GOT1: variants seen among roughly 807,000 people sequenced by gnomAD.
The protein encoded by GOT1 is aspartate aminotransferase, cytoplasmic.
GOT1 carries 25 observed loss-of-function variants against 48.2 expected under a neutral mutation model. The observed-to-expected ratio is 0.52, with a 90% confidence interval of 0.38 to 0.72. GOT1 has a LOEUF of 0.72. Ranked by LOEUF, GOT1 falls within the 30% of genes least tolerant of loss-of-function variation. The pLI, the probability that GOT1 is intolerant of heterozygous loss-of-function variation, is 0.00. For missense variants in GOT1, 380 were observed against 520.1 expected (o/e 0.73, Z 2.62); for synonymous variants, 188 against 193.8 (o/e 0.97, Z 0.25).
chr10:99,418,435 T>C (rs2032925328), intron 2 of GOT1, among the ~76,000 whole-genome samples: 1 of 151,652 alleles, frequency 6.6e-6, no homozygotes, highest in Admixed American at 6.6e-5. Context: ...AGCAACAGAA[T>C]TCCAACTAAT....
At chr10:99,416,119 A>G (rs948916325) in intron 2 of GOT1, among the ~76,000 whole-genome samples, 2 of 152,094 alleles carry the variant, frequency 1.3e-5, no homozygotes, top group African/African-American at 4.8e-5. Flanking sequence ...AAGAAATACA[A>G]GGTATTCAAC....
chr10:99,415,354 A>C (rs1271817647), intron 2 of GOT1, among the ~76,000 whole-genome samples: 2 of 152,328 alleles, frequency 1.3e-5, no homozygotes, highest in East Asian at 1.9e-4. Context: ...GAAATGGATA[A>C]ATTCCTCGAC....
chr10:99,401,964 C>T (rs769097684), intron 8 of GOT1, among the ~76,000 whole-genome samples: 5 of 151,844 alleles, frequency 3.3e-5, no homozygotes, highest in African/African-American at 7.3e-5. Context: ...CCTGCCACCA[C>T]GCCCGGCTAA....
intron 2 of GOT1, among the ~76,000 whole-genome samples, chr10:99,418,061 A>ATATAT (rs980080696): frequency 6.7e-6 from 1 of 149,088 alleles, no homozygotes; most frequent in African/African-American, 2.5e-5. Flanking sequence ...TAAAAAAAAA[A>ATATAT]ATATATATAT....
Position 99,405,996 on chromosome 10 carries a change from C to T in GOT1, c.538-136G>A, listed in dbSNP as rs1156766425. On this transcript the variant is annotated intron_variant, in intron 4 of 8. Transcript: ENST00000370508. ...CTCTTTCATGTCTCTTTTGTGCCCT[C>T]TCTCTTACATGCTATGTCAGAAACC... 13 of 802,244 alleles carry T rather than the reference C, an allele frequency of 1.6e-5. No homozygotes were observed. The Admixed American group carries it at 2.0e-4, about 12-fold the overall frequency. 49.7% of individuals were successfully genotyped at this position (802,244 alleles called of 1,614,324 possible).
intron 1 of GOT1, among the ~76,000 whole-genome samples, chr10:99,425,323 C>G (rs1221618403): frequency 6.6e-6 from 1 of 152,130 alleles, no homozygotes; most frequent in African/African-American, 2.4e-5. Context: ...CTAAAAGAAT[C>G]CTGGAGTCTC....
intron 2 of GOT1, among the ~76,000 whole-genome samples, chr10:99,417,609 G>A (rs1442090212): frequency 6.6e-6 from 1 of 152,170 alleles, no homozygotes; most frequent in African/African-American, 2.4e-5. Context: ...AAATCATGCT[G>A]CTATAAAGAC....
chr10:99,413,731 CA>C (rs1282491180), intron 2 of GOT1, among the ~76,000 whole-genome samples: 1 of 152,238 alleles, frequency 6.6e-6, no homozygotes, highest in Non-Finnish European at 1.5e-5. Flanking sequence ...GTCACACTAA[CA>C]GCTGATCTCT....
At chr10:99,419,252 G>T (rs528186071) in intron 2 of GOT1, among the ~76,000 whole-genome samples, 1 of 152,162 alleles carries the variant, frequency 6.6e-6, no homozygotes, top group Non-Finnish European at 1.5e-5. Context: ...AATGATAATG[G>T]CCACTGGTTT....
In GOT1 at chr10:99,403,432, C is replaced by A. The variant is rs776900584; in HGVS notation, c.959+37G>T. The A allele has an allele frequency of 4.5e-6, 7 of 1,561,856 alleles. No individual in the cohort carries two copies. The African/African-American group carries it at 8.1e-5, about 18-fold the overall frequency. ...ACTGGGACAATTACTGTTCTGCACT[C>A]CCCACCCCCCGGCCCACCAGACTGG... On this transcript the variant is annotated intron_variant, in intron 7 of 8. Transcript: ENST00000370508.
intron 7 of GOT1, 32 bp downstream of exon 7, chr10:99,403,436 AC>A: frequency 1.9e-6 from 3 of 1,571,776 alleles, no homozygotes; most frequent in Non-Finnish European, 2.6e-6. Flanking sequence ...TGCACTCCCC[AC>A]CCCCCGGCCC....
chr10:99,415,022 A>G (rs1453971807), intron 2 of GOT1, among the ~76,000 whole-genome samples: 5 of 152,212 alleles, frequency 3.3e-5, no homozygotes, highest in Non-Finnish European at 7.3e-5. Flanking sequence ...TAACATCACA[A>G]TTAAAAGAAC....
intron 2 of GOT1, among the ~76,000 whole-genome samples, chr10:99,411,230 T>C (rs2032824662): frequency 6.6e-6 from 1 of 152,256 alleles, no homozygotes; most frequent in Non-Finnish European, 1.5e-5. Flanking sequence ...CAATGAGTTA[T>C]GACCCATGAG....
chr10:99,400,607 A>G (rs1246819878), intron 8 of GOT1, among the ~76,000 whole-genome samples: 1 of 151,830 alleles, frequency 6.6e-6, no homozygotes, highest in Non-Finnish European at 1.5e-5. Flanking sequence ...GCTGTACTCC[A>G]CCCTGGGTGA....
At position 99,397,642 on chromosome 10, in the gene GOT1, G is replaced by A; in HGVS notation, c.1147C>T (p.Leu383=). Residue 383 remains leucine (L), a synonymous_variant, in exon 9 of 9, where the codon CTG becomes TTG. Transcript: ENST00000370508. This position sits in a 1 kb window ranked among gnomAD's most constrained non-coding sequence, Gnocchi z 5.4. Reference sequence around the variant, plus strand: ...CTCACGTTGATTCGACCACTTGGCAGCAGGTAGATGTGCTTTTCATTGACC... The same window carrying A: ...CTCACGTTGATTCGACCACTTGGCAACAGGTAGATGTGCTTTTCATTGACC... The part of the protein sequence containing the change: ...YLVNEKHIYL[L]PSGRINVSGL... The A allele has an allele frequency of 6.2e-6, 10 of 1,613,910 alleles. No individual in the cohort carries two copies. The highest frequency in any genetic ancestry group is 8.5e-6 in the Non-Finnish European group (10 of 1,179,788).
intron 1 of GOT1, among the ~76,000 whole-genome samples, chr10:99,421,129 T>C (rs1056496977): frequency 1.3e-5 from 2 of 152,168 alleles, no homozygotes; most frequent in African/African-American, 2.4e-5. Flanking sequence ...AGAAAAGCAC[T>C]CTGCAAAGTA....
chr10:99,422,424 T>C (rs537233020), intron 1 of GOT1, among the ~76,000 whole-genome samples: 52 of 152,166 alleles, frequency 3.4e-4, no homozygotes, highest in South Asian at 6.2e-4. Flanking sequence ...AGACAAGGAG[T>C]ATGAAAATTT....
intron 1 of GOT1, among the ~76,000 whole-genome samples, chr10:99,425,477 A>G (rs1424583511): frequency 6.6e-6 from 1 of 152,240 alleles, no homozygotes; most frequent in African/African-American, 2.4e-5. Context: ...AGTAGTTAAG[A>G]AGGGTGAGTT....
At chr10:99,418,993 T>C (rs1241136930) in intron 2 of GOT1, among the ~76,000 whole-genome samples, 1 of 152,244 alleles carries the variant, frequency 6.6e-6, no homozygotes, top group Admixed American at 6.5e-5. Flanking sequence ...AGTTCATTAC[T>C]TGCCTAATCA....
Sources: allele counts gnomAD v4.1 joint callset (sites outside exome capture counted in the v4.1 genomes callset), GRCh38; gene constraint gnomAD v4.1.1; non-coding constraint Gnocchi (gnomAD v3.1); transcripts MANE v1.5; gene names NCBI Gene and HGNC (gene_info 2026-07-23, HGNC 2026-07-21).